DST: variants seen among roughly 807,000 people sequenced by gnomAD.
The protein encoded by DST is bullous pemphigoid antigen.
Under a neutral mutation model 875.2 loss-of-function variants are expected in DST, and 253 were observed. The observed-to-expected ratio is 0.29, with a 90% CI of 0.26 to 0.32. DST has a LOEUF of 0.32. Ranked by LOEUF, DST falls within the 10% of genes least tolerant of loss-of-function variation. The probability of loss-of-function intolerance (pLI) is 1.00; values close to 1 mark genes in which losing one functional copy is unlikely to be tolerated. For missense variants in DST, 8,287 were observed against 9,111.6 expected, an observed-to-expected ratio of 0.91 and a Z score of 3.68; for synonymous variants, 3,124 against 3,197.1, an observed-to-expected ratio of 0.98 and a Z score of 0.77.
chr6:56,709,739 T>G (rs1463789249), intron 5 of DST, among the ~76,000 whole-genome samples: 1 of 152,122 alleles, frequency 6.6e-6, no homozygotes, highest in African/African-American at 2.4e-5. Context: ...TAATCTGAAA[T>G]GAAAGAAATT....
intron 2 of DST, among the ~76,000 whole-genome samples, chr6:56,903,588 T>A (rs1284015799): frequency 6.6e-6 from 1 of 152,154 alleles, no homozygotes; most frequent in Non-Finnish European, 1.5e-5. Context: ...GCCTCCTGAG[T>A]AGCTGGGATT....
intron 98 of DST, chr6:56,466,469 T>C: frequency 4.0e-6 from 1 of 249,664 alleles, no homozygotes. Context: ...TTCTTTCTTA[T>C]GACAGAAACA....
intron 2 of DST, among the ~76,000 whole-genome samples, chr6:56,920,727 C>CTTTTTT (rs1201574608): frequency 1.6e-5 from 2 of 124,194 alleles, no homozygotes; most frequent in Non-Finnish European, 1.7e-5. Context: ...TTCTTTCTTC[C>CTTTTTT]TTTTTTTTTT....
In DST at chr6:56,459,131, A is replaced by G; in HGVS notation, c.23331T>C (p.Thr7777=). Residue 7777 remains threonine (T), a synonymous_variant, in exon 104 of 104, where the codon ACT becomes ACC. Coordinates refer to ENST00000680361, the MANE Select transcript of DST (RefSeq NM_001374736.1). ...GTGTAGGTCTGTGTGTCTGGGGGACAGTTTCCACATCTGAGCACACGGACT... is the reference window on the plus strand; with the variant it reads ...GTGTAGGTCTGTGTGTCTGGGGGACGGTTTCCACATCTGAGCACACGGACT... ...EIQSVCSDVE[T]VPQTHRPTPR... The G allele has an allele frequency of 6.2e-7, 1 of 1,612,806 alleles. No homozygotes were observed. Among genetic ancestry groups the G allele is most frequent in the Non-Finnish European group, 8.5e-7 (1 of 1,179,474 alleles).
chr6:56,638,996 C>T (rs2152775221), intron 22 of DST: 1 of 523,720 alleles, frequency 1.9e-6, no homozygotes, highest in East Asian at 3.5e-5. Context: ...GCAATGCTTA[C>T]ACAGAGAAGG....
chr6:56,923,453 G>A (rs916232605), intron 2 of DST, among the ~76,000 whole-genome samples: 20 of 135,772 alleles, frequency 1.5e-4, no homozygotes, highest in Admixed American at 1.3e-3. Flanking sequence ...CTGGTAAACC[G>A]GCTCACTGGC....
At chr6:56,571,143 C>T (rs1562875592) in intron 53 of DST, among the ~76,000 whole-genome samples, 1 of 152,206 alleles carries the variant, frequency 6.6e-6, no homozygotes, top group Non-Finnish European at 1.5e-5. Context: ...AGTGCACATG[C>T]CCAGCACATG....
At chr6:56,620,889 C>T (rs1045134751) in intron 36 of DST, among the ~76,000 whole-genome samples, 5 of 152,094 alleles carry the variant, frequency 3.3e-5, no homozygotes, top group African/African-American at 1.2e-4. Flanking sequence ...AGAAAGTCAG[C>T]AGAAGAGGAC....
At chr6:56,869,005 T>C (rs1775678922) in intron 3 of DST, among the ~76,000 whole-genome samples, 1 of 152,140 alleles carries the variant, frequency 6.6e-6, no homozygotes, top group Admixed American at 6.5e-5. Context: ...AGAAATGAAA[T>C]TATACTAAAA....
intron 2 of DST, among the ~76,000 whole-genome samples, chr6:56,917,884 A>G (rs2127732460): frequency 6.6e-6 from 1 of 152,292 alleles, no homozygotes; most frequent in East Asian, 1.9e-4. Context: ...ATTTCAGAAA[A>G]AAACAAATTA....
intron 49 of DST, among the ~76,000 whole-genome samples, chr6:56,585,806 G>T (rs573253370): frequency 1.3e-5 from 2 of 151,890 alleles, no homozygotes; most frequent in Admixed American, 1.3e-4. Flanking sequence ...CTTTGTTCTC[G>T]TTGGTTTCAA....
rs531012823 is a variant in DST at position 56,474,141 on chromosome 6, T to TA, written c.21865-140dup. ...TAAATCATATGCTTTATCTTTAGGG[T>TA]AAAAAAAATCTAAACCATCATACTG... is the stretch of plus-strand genomic sequence containing the variant. On this transcript the variant is annotated intron_variant, in intron 92 of 103. Transcript: ENST00000680361. 4.6e-4 allele frequency: 345 copies of TA among 751,570 alleles called. 3 individuals are homozygous for TA. The South Asian group carries it at 5.9e-3, about 13-fold the overall frequency. 46.6% of individuals were successfully genotyped at this position (751,570 alleles called of 1,614,324 possible). A position where few individuals can be genotyped will look rare whatever the true frequency, so the allele number is the denominator to read the frequency against.
At chr6:56,713,735 C>T (rs1202990531) in intron 5 of DST, among the ~76,000 whole-genome samples, 1 of 152,156 alleles carries the variant, frequency 6.6e-6, no homozygotes, top group Non-Finnish European at 1.5e-5. Context: ...TTAGGATAGG[C>T]ATGACACAAG....
At chr6:56,551,292 T>G (rs1164589661) in intron 61 of DST, among the ~76,000 whole-genome samples, 1 of 151,946 alleles carries the variant, frequency 6.6e-6, no homozygotes, top group Non-Finnish European at 1.5e-5. Flanking sequence ...TTTTATTTGG[T>G]CTTAGTTTAT....
At chr6:56,935,124 T>G (rs918784409) in intron 2 of DST, among the ~76,000 whole-genome samples, 1 of 152,220 alleles carries the variant, frequency 6.6e-6, no homozygotes, top group Non-Finnish European at 1.5e-5. Context: ...GAGTCCATTA[T>G]TAACTGAAGT....
intron 3 of DST, among the ~76,000 whole-genome samples, chr6:56,884,544 C>T (rs1783731238): frequency 6.6e-6 from 1 of 152,126 alleles, no homozygotes; most frequent in African/African-American, 2.4e-5. Flanking sequence ...TATTAGCAGT[C>T]ATTGATGATC....
At chr6:56,563,057 G>GT (rs1268239861) in intron 55 of DST, among the ~76,000 whole-genome samples, 1 of 152,010 alleles carries the variant, frequency 6.6e-6, no homozygotes, top group Non-Finnish European at 1.5e-5. Flanking sequence ...ATAGGTGTGT[G>GT]TGTGTCTTTA....
chr6:56,848,586 G>C (rs1763258835), intron 4 of DST, among the ~76,000 whole-genome samples: 1 of 152,112 alleles, frequency 6.6e-6, no homozygotes, highest in Non-Finnish European at 1.5e-5. Flanking sequence ...GGTGATGAGT[G>C]GCCAGTTTAA....
chr6:56,472,021 A>T, intron 94 of DST, 38 bp downstream of exon 94: 1 of 1,608,722 alleles, frequency 6.2e-7, no homozygotes, highest in Non-Finnish European at 8.5e-7. Context: ...GAATGAGGGC[A>T]AATGACAATG....
Sources: gnomAD v4.1 joint callset for allele counts (sites outside exome capture counted in the v4.1 genomes callset) on GRCh38, gnomAD v4.1.1 for gene constraint, MANE v1.5 for transcripts, NCBI Gene and HGNC (gene_info 2026-07-23, HGNC 2026-07-21) for gene names.